The following AGMO variants were observed in gnomAD, a reference collection of about 807,000 sequenced individuals.
AGMO encodes the protein glyceryl-ether monooxygenase.
A neutral mutation model predicts 60.2 loss-of-function variants in AGMO; 75 were observed. The observed-to-expected ratio is 1.25, with a 90% confidence interval of 1.03 to 1.51. The LOEUF (loss-of-function observed/expected upper bound fraction) is 1.51, where lower values mean the gene tolerates loss of function less well. AGMO is among the 40% of genes most tolerant of loss of function. The pLI, the probability that AGMO is intolerant of heterozygous loss-of-function variation, is 0.00. For synonymous variants in AGMO, 261 were observed against 177.1 expected (o/e 1.47, Z -3.76); for missense variants, 763 against 525.5 (o/e 1.45, Z -4.42).
Position 15,443,188 on chromosome 7 carries a change from C to CG in AGMO, c.410-12081dup, listed in dbSNP as rs1358227489. Reference sequence around the variant, plus strand: ...AAACCCTCTGTGCTTATGATGAGGCCGGGGGTCTAAATGAGCTGATAAACA... The same window carrying CG: ...AAACCCTCTGTGCTTATGATGAGGCCGGGGGGTCTAAATGAGCTGATAAACA... On this transcript the variant is annotated intron_variant, in intron 3 of 12. Transcript: ENST00000342526. Among the ~76,000 whole-genome samples, 3 of 152,148 alleles carry CG rather than the reference C, an allele frequency of 2.0e-5. No individual in the cohort carries two copies. The East Asian group carries it at 5.8e-4, about 29-fold the overall frequency.
intron 12 of AGMO, among the ~76,000 whole-genome samples, chr7:15,336,910 A>C (rs1055150284): frequency 6.6e-6 from 1 of 152,194 alleles, no homozygotes. Flanking sequence ...ACATAAAACC[A>C]TTTTGACACC....
chr7:15,463,450 G>A (rs1438388163), intron 3 of AGMO, among the ~76,000 whole-genome samples: 4 of 152,100 alleles, frequency 2.6e-5, no homozygotes, highest in South Asian at 4.2e-4. Flanking sequence ...CCAAACTGGC[G>A]ACACACACAC....
At chr7:15,379,744 G>C (rs1380873147) in intron 10 of AGMO, among the ~76,000 whole-genome samples, 1 of 151,798 alleles carries the variant, frequency 6.6e-6, no homozygotes, top group African/African-American at 2.4e-5. Flanking sequence ...TTGACTGACA[G>C]TAATGCAAAA....
At chr7:15,148,663 T>C in the AGMO span, among the ~76,000 whole-genome samples, 2 of 152,172 alleles carry the variant, frequency 1.3e-5, no homozygotes, top group Non-Finnish European at 2.9e-5. Context: ...TTCCATTTCT[T>C]ATGGCTGCAT....
chr7:15,205,932 G>T (rs1239768956), intron 12 of AGMO, among the ~76,000 whole-genome samples: 1 of 151,930 alleles, frequency 6.6e-6, no homozygotes, highest in South Asian at 2.1e-4. Context: ...TAAAACAATC[G>T]CAACAGTAAG....
chr7:15,238,661 A>C (rs1478846203), intron 12 of AGMO, among the ~76,000 whole-genome samples: 2 of 151,812 alleles, frequency 1.3e-5, no homozygotes, highest in African/African-American at 4.8e-5. Flanking sequence ...ATATAAATTA[A>C]AATTATTATA....
chr7:15,260,917 T>C (rs1053810476), intron 12 of AGMO, among the ~76,000 whole-genome samples: 18 of 152,016 alleles, frequency 1.2e-4, no homozygotes, highest in Admixed American at 3.3e-4. Context: ...TAAATGATCA[T>C]TGGGTCAACA....
At chr7:15,294,751 A>G (rs1190493155) in intron 12 of AGMO, among the ~76,000 whole-genome samples, 2 of 151,974 alleles carry the variant, frequency 1.3e-5, no homozygotes, top group African/African-American at 2.4e-5. Context: ...AAAATATTCT[A>G]AAGTGTATCT....
chr7:15,199,668 G>A (rs2115461811), downstream of AGMO, among the ~76,000 whole-genome samples: 1 of 152,210 alleles, frequency 6.6e-6, no homozygotes, highest in African/African-American at 2.4e-5. Context: ...AGCCAGCAGA[G>A]GGCTCCCTAC....
chr7:15,342,470 A>ATCCCAACCATCCCTTTTCCC (rs1351831405), intron 12 of AGMO, among the ~76,000 whole-genome samples: 1 of 151,556 alleles, frequency 6.6e-6, no homozygotes, highest in Non-Finnish European at 1.5e-5. Context: ...CTCCCCACCC[A>ATCCCAACCATCCCTTTTCCC]TCCCAACCAT....
At chr7:15,289,242 T>G (rs1412086713) in intron 12 of AGMO, among the ~76,000 whole-genome samples, 1 of 151,130 alleles carries the variant, frequency 6.6e-6, no homozygotes, top group Non-Finnish European at 1.5e-5. Context: ...ATTTTTAAGT[T>G]TTCAGTAAAT....
the AGMO span, among the ~76,000 whole-genome samples, chr7:15,155,282 G>A: frequency 6.6e-6 from 1 of 151,886 alleles, no homozygotes; most frequent in Non-Finnish European, 1.5e-5. Flanking sequence ...TTTCCTGGAG[G>A]TTTTGCTGCA....
chr7:15,166,842 A>G, the AGMO span, among the ~76,000 whole-genome samples: 4 of 152,282 alleles, frequency 2.6e-5, no homozygotes, highest in African/African-American at 7.2e-5. Flanking sequence ...GAACTTTGGC[A>G]TTTCTGACAA....
At chr7:15,395,334 G>C (rs748127481) in intron 5 of AGMO, among the ~76,000 whole-genome samples, 2 of 152,012 alleles carry the variant, frequency 1.3e-5, no homozygotes, top group African/African-American at 2.4e-5. Flanking sequence ...ATAGAGATAA[G>C]ACTGCTTAAA....
chr7:15,305,702 T>C (rs1479353364), intron 12 of AGMO, among the ~76,000 whole-genome samples: 1 of 151,992 alleles, frequency 6.6e-6, no homozygotes, highest in African/African-American at 2.4e-5. Context: ...ATGCAACTAA[T>C]TTACTAGGGT....
At chr7:15,190,254 G>T in the AGMO span, among the ~76,000 whole-genome samples, 3 of 134,528 alleles carry the variant, frequency 2.2e-5, no homozygotes, top group South Asian at 2.4e-4. Context: ...TATATATGCA[G>T]CAAACAGCTG....
At chr7:15,230,709 C>T (rs1300022998) in intron 12 of AGMO, among the ~76,000 whole-genome samples, 2 of 152,062 alleles carry the variant, frequency 1.3e-5, no homozygotes, top group Non-Finnish European at 2.9e-5. Flanking sequence ...AGAGAAATCT[C>T]AAAGACACTT....
chr7:15,291,857 C>T (rs1784272957), intron 12 of AGMO, among the ~76,000 whole-genome samples: 1 of 152,150 alleles, frequency 6.6e-6, no homozygotes. Context: ...AAAACAGGAG[C>T]TTCCTTCTGG....
At chr7:15,543,537 C>T (rs997440934) in intron 3 of AGMO, among the ~76,000 whole-genome samples, 6 of 152,108 alleles carry the variant, frequency 3.9e-5, no homozygotes, top group African/African-American at 1.4e-4. Context: ...TGTGGAAGTA[C>T]TGCCAACAAA....
Sources: gnomAD v4.1 joint callset for allele counts (sites outside exome capture counted in the v4.1 genomes callset) on GRCh38, gnomAD v4.1.1 for gene constraint, MANE v1.5 for transcripts, NCBI Gene and HGNC (gene_info 2026-07-23, HGNC 2026-07-21) for gene names.